CLPB: variants seen among roughly 807,000 people sequenced by gnomAD.
The protein encoded by CLPB is mitochondrial disaggregase.
In CLPB, 40 loss-of-function variants were observed where a neutral mutation model predicts 78.4. That is an observed-to-expected ratio of 0.51 (90% CI 0.40 to 0.66). The LOEUF is 0.66. Ranked by LOEUF, CLPB falls within the 30% of genes least tolerant of loss-of-function variation. The probability of loss-of-function intolerance (pLI) is 0.00; values close to 1 mark genes in which losing one functional copy is unlikely to be tolerated. For missense variants in CLPB, 780 were observed against 886.9 expected (o/e 0.88, Z 1.53); for synonymous variants, 333 against 348.0 (o/e 0.96, Z 0.48).
intron 2 of CLPB, among the ~76,000 whole-genome samples, chr11:72,421,996 G>GCC (rs1230113369): frequency 2.0e-5 from 3 of 152,148 alleles, no homozygotes; most frequent in African/African-American, 7.2e-5. Context: ...GGCCGGGCGT[G>GCC]GTGGCTCACG....
Position 72,295,644 on chromosome 11 carries a change from C to T in CLPB, c.1334G>A (p.Arg445Gln), listed in dbSNP as rs1459707873. 1.1e-5 allele frequency: 17 copies of T among 1,613,924 alleles called. No individual in the cohort carries two copies. The highest frequency in any genetic ancestry group is 1.7e-5 in the Admixed American group (1 of 59,998). The part of the protein sequence containing the change: ...TIMLQLFDEG[R>Q]LTDGKGKTID... ...GGTCTTCCCTTTTCCATCTGTCAGCCGGCCCTGGGAAGGGAAGGAAGGGAG... is the reference window on the plus strand; with the variant it reads ...GGTCTTCCCTTTTCCATCTGTCAGCTGGCCCTGGGAAGGGAAGGAAGGGAG... The change falls in exon 12 of 16, where the codon CGG becomes CAG. Residue 445 changes from arginine (R) to glutamine (Q), a missense_variant. Coordinates refer to ENST00000538039, the MANE Select transcript of CLPB (RefSeq NM_001258392.3).
Position 72,434,252 on chromosome 11 carries a change from C to T in CLPB, c.223G>A (p.Gly75Arg), listed in dbSNP as rs1226127734. ...AGGCATTTGGTATCGAAGCGTCCTC[C>T]CTGGCGCCCCCCGGTGGCTGCCCCA... ...GRGAATGGRQ[G>R]GRFDTKCLAA... Residue 75 changes from glycine to arginine, a missense_variant, in exon 1 of 16, where the codon GGA (glycine) becomes AGA (arginine). Physicochemically the swap from Gly to Arg is moderately radical, Grantham distance 125 (BLOSUM62 -2). Transcript: ENST00000538039. 8.7e-6 allele frequency: 14 copies of T among 1,613,408 alleles called. No homozygotes were observed. The highest frequency in any genetic ancestry group is 1.2e-5 in the Non-Finnish European group (14 of 1,179,928).
Position 72,330,077 on chromosome 11 carries a change from G to A in CLPB, c.776-273C>T, listed in dbSNP as rs117992720. ...AAACAAATACACAGGTTAATATACC[G>A]CAGCACAAATACATGTAAACATACA... is the stretch of plus-strand genomic sequence containing the variant. On this transcript the variant is annotated intron_variant, in intron 5 of 15. Coordinates refer to ENST00000538039, the MANE Select transcript of CLPB (RefSeq NM_001258392.3). Among the ~76,000 whole-genome samples, 4,431 of 152,144 alleles carry A rather than the reference G, an allele frequency of 0.029. 111 individuals are homozygous for A. The highest frequency in any genetic ancestry group is 0.04 in the Non-Finnish European group (2,692 of 68,016).
rs76110679 is a variant in CLPB at position 72,392,275 on chromosome 11, C to G, written c.542+10691G>C. 1.6e-4 allele frequency among the ~76,000 whole-genome samples: 25 copies of G among 152,220 alleles called. No individual in the cohort carries two copies. The East Asian group carries it at 4.4e-3, about 27-fold the overall frequency. Reference sequence around the variant, plus strand: ...AGGAGAAGACAAAGAGTGACCTCTTCTCAACCCAGTGCACACCTCGATGAG... The same window carrying G: ...AGGAGAAGACAAAGAGTGACCTCTTGTCAACCCAGTGCACACCTCGATGAG... On this transcript the variant is annotated intron_variant, in intron 3 of 15. Transcript: ENST00000538039.
At chr11:72,405,789 G>A (rs1040353789) in intron 2 of CLPB, among the ~76,000 whole-genome samples, 2 of 152,108 alleles carry the variant, frequency 1.3e-5, no homozygotes, top group Non-Finnish European at 2.9e-5. Flanking sequence ...TTAGCCGGGC[G>A]TGGTGGCAGG....
At chr11:72,355,049 G>A (rs1950685086) in intron 5 of CLPB, 1 of 152,214 alleles carries the variant, frequency 6.6e-6, no homozygotes, top group South Asian at 2.1e-4. Context: ...TGAGGCCCAT[G>A]GTCTCAGAGA....
At chr11:72,372,399 A>G (rs747305444) in intron 4 of CLPB, among the ~76,000 whole-genome samples, 1 of 152,222 alleles carries the variant, frequency 6.6e-6, no homozygotes, top group Non-Finnish European at 1.5e-5. Context: ...TCTGGCAGGT[A>G]TAGAAAATTG....
chr11:72,421,271 G>A (rs1856189641), intron 2 of CLPB, among the ~76,000 whole-genome samples: 3 of 152,114 alleles, frequency 2.0e-5, no homozygotes. Context: ...TCTGTACAGG[G>A]GAGCTTCTTC....
intron 3 of CLPB, among the ~76,000 whole-genome samples, chr11:72,394,458 A>G (rs1358755529): frequency 6.6e-6 from 1 of 152,150 alleles, no homozygotes; most frequent in African/African-American, 2.4e-5. Context: ...CCTATCCCCA[A>G]CTGCCACTCT....
chr11:72,358,427 CGG>C (rs1357187435), intron 5 of CLPB, among the ~76,000 whole-genome samples: 3 of 151,990 alleles, frequency 2.0e-5, no homozygotes, highest in Non-Finnish European at 4.4e-5. Context: ...GGGCCTGAGA[CGG>C]GGGTGGGACC....
Position 72,294,367 on chromosome 11 carries a change from G to A in CLPB, c.1638C>T (p.Leu546=), listed in dbSNP as rs1264309464. Residue 546 remains leucine (L), a synonymous_variant, in exon 14 of 16, where the codon CTC becomes CTT. Transcript: ENST00000538039. ...TTAGTTCCTTGTTGACGAGTTGGAT[G>A]AGCTCCGAGTGGCAGAAGGGGAGGA... ...VYFLPFCHSE[L]IQLVNKELNF... is the part of the protein sequence containing the mutation. 1 of 1,614,240 alleles carries A rather than the reference G, an allele frequency of 6.2e-7. No homozygotes were observed.
intron 5 of CLPB, among the ~76,000 whole-genome samples, chr11:72,353,945 G>A (rs755324987): frequency 8.6e-5 from 13 of 151,944 alleles, no homozygotes; most frequent in South Asian, 2.1e-4. Context: ...TTTTTTAAAC[G>A]AGTGAGCACT....
intron 5 of CLPB, chr11:72,355,130 T>G (rs1407685386): frequency 3.9e-5 from 6 of 152,350 alleles, no homozygotes; most frequent in African/African-American, 1.2e-4. Context: ...CAAAGCTTGT[T>G]TCTTTTTCAC....
At chr11:72,411,320 G>C (rs1403157315) in intron 2 of CLPB, among the ~76,000 whole-genome samples, 6 of 152,202 alleles carry the variant, frequency 3.9e-5, no homozygotes, top group Non-Finnish European at 2.9e-5. Context: ...AGGAGGGTGT[G>C]AGTGCAGCTT....
intron 2 of CLPB, among the ~76,000 whole-genome samples, chr11:72,411,283 G>A (rs879725464): frequency 3.9e-5 from 6 of 152,116 alleles, no homozygotes; most frequent in Non-Finnish European, 7.4e-5. Context: ...TGTCTTTTTC[G>A]AAGAACTTAG....
intron 3 of CLPB, among the ~76,000 whole-genome samples, chr11:72,393,673 A>G (rs1252356811): frequency 2.0e-5 from 3 of 152,168 alleles, no homozygotes; most frequent in South Asian, 2.1e-4. Flanking sequence ...AGGGCAGTAA[A>G]TATTTGCTGA....
At chr11:72,426,876 C>T (rs758209511) in intron 2 of CLPB, among the ~76,000 whole-genome samples, 2 of 152,244 alleles carry the variant, frequency 1.3e-5, no homozygotes, top group Non-Finnish European at 2.9e-5. Flanking sequence ...CCTCCAGCTT[C>T]TCTTCCACAA....
At chr11:72,395,280 T>C (rs1479839296) in intron 3 of CLPB, among the ~76,000 whole-genome samples, 1 of 152,180 alleles carries the variant, frequency 6.6e-6, no homozygotes, top group African/African-American at 2.4e-5. Context: ...TAATACATCA[T>C]GGGTCATCAA....
chr11:72,405,753 C>T (rs1362240284), intron 2 of CLPB, among the ~76,000 whole-genome samples: 2 of 152,000 alleles, frequency 1.3e-5, no homozygotes, highest in East Asian at 1.9e-4. Flanking sequence ...ACGGTGAAAC[C>T]GCATCTCTAC....
Sources: gnomAD v4.1 joint callset for allele counts (sites outside exome capture counted in the v4.1 genomes callset) on GRCh38, gnomAD v4.1.1 for gene constraint, MANE v1.5 for transcripts, NCBI Gene and HGNC (gene_info 2026-07-23, HGNC 2026-07-21) for gene names.